The following CD38 variants were observed in gnomAD, a reference collection of about 807,000 sequenced individuals.
The protein encoded by CD38 is CD38 molecule.
In CD38, 31 loss-of-function variants were observed where a neutral mutation model predicts 36.3. The ratio of observed to expected loss-of-function variants is 0.85; its 90% CI spans 0.64 to 1.15. CD38 has a LOEUF of 1.15. Ranked by LOEUF, CD38 falls within the 50% of genes most tolerant of loss-of-function variation. The pLI, the probability that CD38 is intolerant of heterozygous loss-of-function variation, is 0.00. For synonymous variants in CD38, 131 were observed against 135.2 expected, an observed-to-expected ratio of 0.97 and a Z score of 0.22; for missense variants, 380 against 371.9, an observed-to-expected ratio of 1.02 and a Z score of -0.18.
intron 3 of CD38, among the ~76,000 whole-genome samples, chr4:15,826,470 C>T (rs1365527098): frequency 6.6e-6 from 1 of 151,588 alleles, no homozygotes; most frequent in African/African-American, 2.4e-5. Flanking sequence ...CACACACACA[C>T]ACACACACAC....
At chr4:15,797,306 A>G (rs1009940814) in intron 1 of CD38, among the ~76,000 whole-genome samples, 2 of 152,174 alleles carry the variant, frequency 1.3e-5, no homozygotes, top group African/African-American at 2.4e-5. Context: ...TGGTTCTGCA[A>G]TTTTAAGTGC....
At chr4:15,791,582 G>T (rs1722991910) in intron 1 of CD38, among the ~76,000 whole-genome samples, 1 of 96,254 alleles carries the variant, frequency 1.0e-5, no homozygotes, top group Non-Finnish European at 2.1e-5. Context: ...GAGGTGGGGG[G>T]GTCAGCCCCC....
At position 15,801,602 on chromosome 4, in the gene CD38, G is replaced by A. The variant is rs374257459; in HGVS notation, c.234-14909G>A. ...TTAATAAGTTTATTTACTAAAACCA[G>A]GTGGGATTCATTCCAGGGATGCAAG... is the stretch of plus-strand genomic sequence containing the variant. On this transcript the variant is annotated intron_variant, in intron 1 of 7. Coordinates refer to ENST00000226279, the MANE Select transcript of CD38 (RefSeq NM_001775.4). 4.6e-5 allele frequency among the ~76,000 whole-genome samples: 7 copies of A among 152,110 alleles called. No homozygotes were observed. In the East Asian group the frequency reaches 9.6e-4, roughly 21 times the overall value.
intron 1 of CD38, among the ~76,000 whole-genome samples, chr4:15,810,302 A>C (rs955225326): frequency 6.6e-6 from 1 of 152,218 alleles, no homozygotes; most frequent in Non-Finnish European, 1.5e-5. Context: ...TTATATATAA[A>C]CACACTTATG....
chr4:15,827,615 CATTT>C (rs1723876205), intron 3 of CD38, among the ~76,000 whole-genome samples: 2 of 152,102 alleles, frequency 1.3e-5, no homozygotes, highest in African/African-American at 4.8e-5. Flanking sequence ...ATTGGTCATT[CATTT>C]AACATTTAGC....
intron 7 of CD38, among the ~76,000 whole-genome samples, chr4:15,845,815 T>G (rs1314840024): frequency 2.2e-5 from 1 of 46,340 alleles, no homozygotes; most frequent in African/African-American, 1.9e-4. Flanking sequence ...CATTCACAAT[T>G]GCTTCAAAGA....
intron 1 of CD38, among the ~76,000 whole-genome samples, chr4:15,816,057 G>T (rs1436000604): frequency 6.6e-6 from 1 of 152,086 alleles, no homozygotes; most frequent in Non-Finnish European, 1.5e-5. Flanking sequence ...ATTATGTGAT[G>T]GATTATGTTT....
chr4:15,818,694 G>A (rs1391560719), intron 2 of CD38, among the ~76,000 whole-genome samples: 2 of 152,168 alleles, frequency 1.3e-5, no homozygotes, highest in African/African-American at 4.8e-5. Context: ...GCCTCCACTC[G>A]TGATACCTTC....
Position 15,840,119 on chromosome 4 carries a change from G to A in CD38, c.752+1G>A. ...TACATGGTGGAAGAGAAGATTCCAG[G>A]TATATCTTACTACTTTGTACCCAAG... On this transcript the variant is annotated splice_donor_variant, in intron 6 of 7. Transcript: ENST00000226279. LOFTEE classifies it high-confidence loss of function. 6.3e-7 allele frequency: 1 copy of A among 1,589,058 alleles called. No individual in the cohort carries two copies.
In CD38 at chr4:15,851,211, C is replaced by T. The variant is rs1031723843; in HGVS notation, c.*2609C>T. 2 of 152,204 alleles carry T rather than the reference C, an allele frequency of 1.3e-5. No homozygotes were observed. Among genetic ancestry groups the T allele is most frequent in the Non-Finnish European group, 2.9e-5 (2 of 68,072 alleles). 9.4% of individuals were successfully genotyped at this position (152,204 alleles called of 1,614,324 possible). On this transcript the variant is annotated 3_prime_UTR_variant, in exon 8 of 8. Transcript: ENST00000226279. ...TCATTACCACAATGCCTCATCTCTA[C>T]CTCCTTTCCCCCTGTAGTTCCAACG...
chr4:15,781,438 G>A (rs746233602), intron 1 of CD38, among the ~76,000 whole-genome samples: 2 of 152,218 alleles, frequency 1.3e-5, no homozygotes, highest in Admixed American at 6.5e-5. Context: ...TTAATAGAGA[G>A]AAAGAGATTT....
chr4:15,816,527 A>T lies in CD38; in HGVS notation c.250A>T (p.Ser84Cys). 6.2e-7 allele frequency: 1 copy of T among 1,612,706 alleles called. No homozygotes were observed. The highest frequency in any genetic ancestry group is 1.1e-5 in the South Asian group (1 of 90,876). ...HPEMRHVDCQ[S>C]VWDAFKGAFI... ...TTATCTCAGACATGTAGACTGCCAA[A>T]GTGTATGGGATGCTTTCAAGGGTGC... The change falls in exon 2 of 8, where the codon AGT becomes TGT. Residue 84 changes from serine (S) to cysteine (C), a missense_variant. By Grantham distance (112) the Ser-to-Cys change is moderately radical. Coordinates refer to ENST00000226279, the MANE Select transcript of CD38 (RefSeq NM_001775.4).
intron 1 of CD38, among the ~76,000 whole-genome samples, chr4:15,790,132 T>TCA (rs1722929625): frequency 4.1e-5 from 1 of 24,652 alleles, no homozygotes; most frequent in African/African-American, 6.3e-4. Flanking sequence ...CCTCTCCCTC[T>TCA]CCCTCTCCCT....
intron 6 of CD38, 41 bp from the exon 7 acceptor site, chr4:15,840,411 T>G: frequency 2.4e-4 from 311 of 1,317,202 alleles, no homozygotes; most frequent in Non-Finnish European, 3.1e-4. Context: ...AAAATGTTTG[T>G]GAGATCTTGT....
chr4:15,808,621 C>G (rs1723395083), intron 1 of CD38, among the ~76,000 whole-genome samples: 1 of 152,192 alleles, frequency 6.6e-6, no homozygotes, highest in Non-Finnish European at 1.5e-5. Context: ...ATGGATTGAT[C>G]AGTGTGGGGT....
intron 1 of CD38, among the ~76,000 whole-genome samples, chr4:15,803,583 C>T (rs142709741): frequency 0.011 from 1,663 of 152,188 alleles, 19 homozygotes; most frequent in Middle Eastern, 0.054. Flanking sequence ...TATTATCTCA[C>T]GCCAGCTAGA....
At position 15,820,883 on chromosome 4, in the gene CD38, T is replaced by C. The variant is rs117788864; in HGVS notation, c.364-3998T>C. Among the ~76,000 whole-genome samples the C allele has an allele frequency of 4.0e-3, 605 of 152,312 alleles. 16 individuals carry two copies. In the East Asian group the frequency reaches 0.063, roughly 16 times the overall value. On this transcript the variant is annotated intron_variant, in intron 2 of 7. Transcript: ENST00000226279. ...GTCTCCATGCCAAAGCAACAGAATA[T>C]ACATTATTATTGGTGCCACATGGCA...
intron 3 of CD38, among the ~76,000 whole-genome samples, chr4:15,828,858 G>C (rs915206280): frequency 6.6e-6 from 1 of 152,038 alleles, no homozygotes; most frequent in African/African-American, 2.4e-5. Flanking sequence ...TGGATCATAT[G>C]GTAGTATTCT....
rs1724111235 is a variant in CD38, at chr4:15,838,156, A to G, written c.650A>G (p.Asp217Gly). ...AATGGATCCCGCAGTAAAATCTTTG[A>G]CAAAAACAGGTACACATTTATTTTG... ...MLNGSRSKIF[D>G]KNSTFGSVEV... Residue 217 changes from aspartate (D) to glycine (G), a missense_variant, in exon 5 of 8, where the codon GAC becomes GGC. Coordinates refer to ENST00000226279, the MANE Select transcript of CD38 (RefSeq NM_001775.4). 2 of 1,611,508 alleles carry G rather than the reference A, an allele frequency of 1.2e-6. No homozygotes were observed. Among genetic ancestry groups the G allele is most frequent in the African/African-American group, 1.3e-5 (1 of 74,828 alleles).
Sources: allele counts gnomAD v4.1 joint callset (sites outside exome capture counted in the v4.1 genomes callset), GRCh38; gene constraint gnomAD v4.1.1; transcripts MANE v1.5; gene names NCBI Gene and HGNC (gene_info 2026-07-23, HGNC 2026-07-21).